Variants in PRRC2B observed in about 807,000 individuals in gnomAD.
The protein encoded by PRRC2B is proline rich coiled-coil 2B, also known as protein PRRC2B.
A neutral mutation model predicts 242.3 loss-of-function variants in PRRC2B; 68 were observed. The observed-to-expected ratio is 0.28, with a 90% CI of 0.23 to 0.34. The LOEUF is 0.34. PRRC2B is among the 10% of genes least tolerant of loss of function. The pLI, the probability that PRRC2B is intolerant of heterozygous loss-of-function variation, is 1.00. For missense variants in PRRC2B, 2,835 were observed against 2,954.8 expected (o/e 0.96, Z 0.94); for synonymous variants, 1,228 against 1,173.6 (o/e 1.05, Z -0.95).
intron 1 of PRRC2B, among the ~76,000 whole-genome samples, chr9:131,426,609 G>A (rs17147857): frequency 0.028 from 4,279 of 152,140 alleles, 188 homozygotes; most frequent in African/African-American, 0.097. Flanking sequence ...CATGGGCACC[G>A]CAGTCAGGAT....
chr9:131,374,525 T>C (rs914264679), intron 1 of PRRC2B, among the ~76,000 whole-genome samples: 4 of 152,172 alleles, frequency 2.6e-5, no homozygotes, highest in African/African-American at 9.7e-5. Flanking sequence ...CTCGCTCTTT[T>C]TTTTTTTATT....
rs1943913246 is a variant in PRRC2B at position 131,482,977 on chromosome 9, C to A, written c.5373+70C>A. The A allele has an allele frequency of 7.9e-6, 12 of 1,511,172 alleles. No individual in the cohort carries two copies. In the South Asian group the frequency reaches 1.3e-4, roughly 17 times the overall value. 93.6% of individuals were successfully genotyped at this position (1,511,172 alleles called of 1,614,324 possible). ...TTTTGGTACTTGGAGAGGCTGGGGG[C>A]TCAGATGGGATTGTCTCCTAGAAGG... On this transcript the variant is annotated intron_variant, in intron 22 of 31. Transcript: ENST00000683519. This position sits in a 1 kb window ranked among gnomAD's most constrained non-coding sequence, Gnocchi z 5.2.
chr9:131,452,830 T>C (rs528799631), intron 9 of PRRC2B, among the ~76,000 whole-genome samples: 33 of 152,350 alleles, frequency 2.2e-4, no homozygotes, highest in African/African-American at 7.9e-4. Context: ...TTAGTAAGAC[T>C]TGTTTTATGA....
chr9:131,459,420 G>T, intron 11 of PRRC2B, 64 bp downstream of exon 11: 1 of 1,382,162 alleles, frequency 7.2e-7, no homozygotes, highest in South Asian at 1.2e-5. Flanking sequence ...CTGGGTTTCT[G>T]AGAAGTCCTA....
chr9:131,448,570 A>AAAAAAAAAAAAAAAAAG (rs1838902755), intron 9 of PRRC2B, among the ~76,000 whole-genome samples: 1 of 140,434 alleles, frequency 7.1e-6, no homozygotes, highest in African/African-American at 2.6e-5. Context: ...AAAAAAAAAA[A>AAAAAAAAAAAAAAAAAG]GGAAAGAGAA....
intron 10 of PRRC2B, among the ~76,000 whole-genome samples, chr9:131,456,211 CT>C (rs59184650): frequency 0.14 from 19,397 of 138,704 alleles, 1,394 homozygotes; most frequent in Non-Finnish European, 0.16. Flanking sequence ...AATTTTGTCT[CT>C]TTTTTTTTTT....
At chr9:131,418,663 C>T (rs377259357) in intron 1 of PRRC2B, among the ~76,000 whole-genome samples, 44 of 152,182 alleles carry the variant, frequency 2.9e-4, no homozygotes, top group South Asian at 2.1e-4. Context: ...ATGGCACTGC[C>T]GGGCAAGCCA....
chr9:131,497,403 T>A lies in PRRC2B; in HGVS notation c.*1529T>A, dbSNP rs1206445835. On this transcript the variant is annotated 3_prime_UTR_variant, in exon 32 of 32. Coordinates refer to ENST00000683519, the MANE Select transcript of PRRC2B (RefSeq NM_013318.4). ...GGGGACAGTTCAGGTTTCTCAGCTGTTCTTAGGGGTCACTGAGCGTCTACC... is the reference window on the plus strand; with the variant it reads ...GGGGACAGTTCAGGTTTCTCAGCTGATCTTAGGGGTCACTGAGCGTCTACC... The A allele has an allele frequency of 6.6e-6, 1 of 152,240 alleles. No individual in the cohort carries two copies. The highest frequency in any genetic ancestry group is 1.5e-5 in the Non-Finnish European group (1 of 68,050). 9.4% of individuals were successfully genotyped at this position (152,240 alleles called of 1,614,324 possible). A position where few individuals can be genotyped will look rare whatever the true frequency, so the allele number is the denominator to read the frequency against.
chr9:131,401,384 CCTT>C (rs1186276414), intron 1 of PRRC2B, among the ~76,000 whole-genome samples: 4 of 150,706 alleles, frequency 2.7e-5, no homozygotes, highest in Non-Finnish European at 5.9e-5. Context: ...CATTCTTTCT[CCTT>C]TTTTTTTTTT....
intron 29 of PRRC2B, 28 bp downstream of exon 29, chr9:131,491,608 C>A: frequency 1.3e-6 from 2 of 1,581,182 alleles, no homozygotes; most frequent in Non-Finnish European, 1.7e-6. Flanking sequence ...GCCTCTGACC[C>A]TAGGGAGGGG....
intron 1 of PRRC2B, among the ~76,000 whole-genome samples, chr9:131,394,587 C>G (rs1836989915): frequency 6.6e-6 from 1 of 150,886 alleles, no homozygotes; most frequent in Non-Finnish European, 1.5e-5. Flanking sequence ...ACCCCCGTAC[C>G]CCCGAGGCCG....
chr9:131,448,552 A>AAAAAAAAAACAAAC (rs1181539720), intron 9 of PRRC2B, among the ~76,000 whole-genome samples: 1 of 122,522 alleles, frequency 8.2e-6, no homozygotes, highest in Admixed American at 9.8e-5. Flanking sequence ...TCAAAAAAAA[A>AAAAAAAAAACAAAC]AAAAAAAAAA....
rs1943708760 is a variant in PRRC2B, at chr9:131,476,615, TGCC to T, written c.4406+85_4406+87del. On this transcript the variant is annotated intron_variant, in intron 16 of 31. Coordinates refer to ENST00000683519, the MANE Select transcript of PRRC2B (RefSeq NM_013318.4). ...CACTGAGTTCACGCATGCATGCCGA[TGCC>T]GCCGTGTGTCGGGGCTGGGGGCCTG... The T allele has an allele frequency of 9.9e-6, 13 of 1,318,326 alleles. 1 individual carries two copies. Among genetic ancestry groups the T allele is most frequent in the South Asian group, 9.0e-5 (6 of 66,426 alleles). The allele number at this position is 1,318,326 out of a possible 1,614,324, so 81.7% of individuals were successfully genotyped here. A position where few individuals can be genotyped will look rare whatever the true frequency, so the allele number is the denominator to read the frequency against.
Position 131,444,427 on chromosome 9 carries a change from C to T in PRRC2B, c.613+99C>T, listed in dbSNP as rs141992371. The T allele has an allele frequency of 4.9e-3, 6,393 of 1,317,578 alleles. 28 individuals are homozygous for T. The highest frequency in any genetic ancestry group is 6.0e-3 in the Non-Finnish European group (5,937 of 984,122). The allele number at this position is 1,317,578 out of a possible 1,614,324, so 81.6% of individuals were successfully genotyped here. On this transcript the variant is annotated intron_variant, in intron 6 of 31. Coordinates refer to ENST00000683519, the MANE Select transcript of PRRC2B (RefSeq NM_013318.4). ...AGGGTGCTGATGCCACTGGGGTCTC[C>T]GGTTCGAGCTGGAAACGTGGCTCTT... is the stretch of plus-strand genomic sequence containing the variant.
chr9:131,491,291 C>G, intron 28 of PRRC2B, 134 bp from the exon 29 acceptor site: 1 of 921,738 alleles, frequency 1.1e-6, no homozygotes, highest in Non-Finnish European at 1.6e-6. Context: ...TAGAGCATGT[C>G]CTGCTTTATG....
chr9:131,393,961 C>T (rs915558586), upstream of PRRC2B: 2 of 151,558 alleles, frequency 1.3e-5, no homozygotes, highest in Non-Finnish European at 3.0e-5. Context: ...GCCGCCGCTC[C>T]CGGGAGGCGC....
chr9:131,478,642 G>GCC, intron 18 of PRRC2B, 23 bp downstream of exon 18: 19 of 481,984 alleles, frequency 3.9e-5, no homozygotes, highest in Non-Finnish European at 6.3e-5. Flanking sequence ...GGGTGGGGGG[G>GCC]CATGGGGCTG....
At chr9:131,469,623 T>G (rs759859923) in intron 13 of PRRC2B, among the ~76,000 whole-genome samples, 1 of 152,168 alleles carries the variant, frequency 6.6e-6, no homozygotes, top group Non-Finnish European at 1.5e-5. Flanking sequence ...CCTTTTTGTT[T>G]GCGGAATGGA....
At chr9:131,465,556 C>T (rs563232306) in intron 12 of PRRC2B, among the ~76,000 whole-genome samples, 45 of 152,362 alleles carry the variant, frequency 3.0e-4, no homozygotes, top group African/African-American at 9.9e-4. Context: ...CATCTACTCA[C>T]TGATGATACT....
Sources: gnomAD v4.1 joint callset for allele counts (sites outside exome capture counted in the v4.1 genomes callset) on GRCh38, gnomAD v4.1.1 for gene constraint, Gnocchi (gnomAD v3.1) non-coding constraint, MANE v1.5 for transcripts, NCBI Gene and HGNC (gene_info 2026-07-23, HGNC 2026-07-21) for gene names.